KCND2: variants seen among roughly 807,000 people sequenced by gnomAD.
KCND2 encodes potassium voltage-gated channel subfamily D member 2.
KCND2 carries 16 observed loss-of-function variants against 54.4 expected under a neutral mutation model. The observed-to-expected ratio is 0.29, with a 90% CI of 0.20 to 0.45. KCND2 has a LOEUF of 0.45. KCND2 is among the 20% of genes least tolerant of loss of function. KCND2 has a pLI of 1.00. For missense variants in KCND2, 486 were observed against 824.2 expected (o/e 0.59, Z 5.02); for synonymous variants, 317 against 310.7 (o/e 1.02, Z -0.21).
intron 1 of KCND2, among the ~76,000 whole-genome samples, chr7:120,686,538 G>T (rs1792203949): frequency 1.3e-5 from 2 of 152,146 alleles, no homozygotes; most frequent in African/African-American, 4.8e-5. Context: ...TAGAGCAGGA[G>T]CGAAAGTTTA....
At chr7:120,498,890 T>C (rs1802890657) in intron 1 of KCND2, among the ~76,000 whole-genome samples, 1 of 152,112 alleles carries the variant, frequency 6.6e-6, no homozygotes, top group Non-Finnish European at 1.5e-5. Flanking sequence ...AGCTGACTGA[T>C]ATATACAATT....
chr7:120,671,936 T>G lies in KCND2; in HGVS notation c.1116-60967T>G, dbSNP rs868430310. On this transcript the variant is annotated intron_variant, in intron 1 of 5. Transcript: ENST00000331113. ...TTCCTCAAAACATGCTTGCTAAAAC[T>G]TCCTCAACTTATCCCCACCCTTTTT... Among the ~76,000 whole-genome samples the G allele has an allele frequency of 7.7e-4, 117 of 152,258 alleles. 2 individuals are homozygous for G. Among genetic ancestry groups the G allele is most frequent in the African/African-American group, 2.6e-3 (110 of 41,572 alleles).
chr7:120,318,455 C>T (rs58607483), intron 1 of KCND2, among the ~76,000 whole-genome samples: 1,816 of 152,102 alleles, frequency 0.012, 36 homozygotes, highest in African/African-American at 0.042. Flanking sequence ...CTCATAATGA[C>T]CAAAACTGTG....
At chr7:120,546,243 G>A (rs912707179) in intron 1 of KCND2, among the ~76,000 whole-genome samples, 2 of 151,854 alleles carry the variant, frequency 1.3e-5, no homozygotes, top group Non-Finnish European at 2.9e-5. Context: ...TATGTTGATT[G>A]AACACGGTTC....
At chr7:120,330,240 A>G (rs1371754273) in intron 1 of KCND2, among the ~76,000 whole-genome samples, 2 of 152,120 alleles carry the variant, frequency 1.3e-5, no homozygotes, top group Middle Eastern at 3.2e-3. Context: ...TAGTGAGGAA[A>G]AAAAATGAAC....
chr7:120,595,652 T>A (rs1175763675), intron 1 of KCND2, among the ~76,000 whole-genome samples: 1 of 148,974 alleles, frequency 6.7e-6, no homozygotes, highest in Non-Finnish European at 1.5e-5. Context: ...TCATTGCTAA[T>A]ATCTCAAATA....
chr7:120,321,942 A>G (rs1799897996), intron 1 of KCND2, among the ~76,000 whole-genome samples: 2 of 152,136 alleles, frequency 1.3e-5, no homozygotes, highest in Admixed American at 1.3e-4. Flanking sequence ...ATGGAAGCTC[A>G]GAGAAGATGA....
intron 1 of KCND2, among the ~76,000 whole-genome samples, chr7:120,601,492 A>G (rs1228534123): frequency 4.6e-5 from 7 of 152,210 alleles, no homozygotes; most frequent in Non-Finnish European, 8.8e-5. Flanking sequence ...TAAGGAAAGC[A>G]GTTTTGAAGA....
chr7:120,319,431 A>G (rs1799860625), intron 1 of KCND2, among the ~76,000 whole-genome samples: 3 of 152,218 alleles, frequency 2.0e-5, no homozygotes, highest in Middle Eastern at 6.8e-3. Context: ...AGACATTCTT[A>G]TTAACATTAG....
At chr7:120,637,799 G>A (rs1459468537) in intron 1 of KCND2, among the ~76,000 whole-genome samples, 1 of 152,012 alleles carries the variant, frequency 6.6e-6, no homozygotes, top group Admixed American at 6.6e-5. Context: ...TCAATAGTCT[G>A]GCAAGTACGA....
intron 1 of KCND2, among the ~76,000 whole-genome samples, chr7:120,447,991 A>C (rs764627378): frequency 4.6e-5 from 7 of 152,210 alleles, no homozygotes; most frequent in Non-Finnish European, 7.3e-5. Context: ...AATATGATTT[A>C]TATTGCATTG....
In KCND2 at chr7:120,275,082, C is replaced by A. The variant is rs991724336; in HGVS notation, c.450C>A (p.Asp150Glu). 1 of 1,613,818 alleles carries A rather than the reference C, an allele frequency of 6.2e-7. No individual in the cohort carries two copies. The highest frequency in any genetic ancestry group is 1.3e-5 in the African/African-American group (1 of 75,040). Residue 150 changes from aspartate (D) to glutamate (E), a missense_variant, in exon 1 of 6, where the codon GAC becomes GAA. Physicochemically the swap from Asp to Glu is conservative, Grantham distance 45. Coordinates refer to ENST00000331113, the MANE Select transcript of KCND2 (RefSeq NM_012281.3). The stretch of plus-strand genomic sequence containing the variant: ...GAGAGAACGCCGAGCGCCTGCAGGA[C>A]GACGCGGATACCGACACCGCTGGGG... ...RRRENAERLQ[D>E]DADTDTAGES...
At chr7:120,523,382 C>T (rs1408296185) in intron 1 of KCND2, among the ~76,000 whole-genome samples, 1 of 151,070 alleles carries the variant, frequency 6.6e-6, no homozygotes, top group Non-Finnish European at 1.5e-5. Context: ...AAATAATAAA[C>T]TTTAAAATAC....
intron 1 of KCND2, among the ~76,000 whole-genome samples, chr7:120,474,716 C>G (rs1802509036): frequency 1.3e-5 from 2 of 151,984 alleles, no homozygotes; most frequent in African/African-American, 4.8e-5. Flanking sequence ...ATCTAACACC[C>G]TCTATCTAAT....
At chr7:120,567,706 ATTT>A (rs1378027549) in intron 1 of KCND2, among the ~76,000 whole-genome samples, 1 of 152,124 alleles carries the variant, frequency 6.6e-6, no homozygotes, top group Non-Finnish European at 1.5e-5. Context: ...GCAGTATATT[ATTT>A]TCATTAAGAT....
At chr7:120,306,855 G>A (rs1451992624) in intron 1 of KCND2, among the ~76,000 whole-genome samples, 2 of 151,968 alleles carry the variant, frequency 1.3e-5, no homozygotes, top group African/African-American at 4.8e-5. Flanking sequence ...CAGATATAGT[G>A]ACTATCCACA....
chr7:120,427,390 T>C (rs1268794204), intron 1 of KCND2, among the ~76,000 whole-genome samples: 8 of 152,206 alleles, frequency 5.3e-5, no homozygotes, highest in Admixed American at 6.5e-5. Flanking sequence ...ATTCAGCCGG[T>C]CAGTCAACTT....
At chr7:120,734,195 G>A (rs1792843154) in intron 2 of KCND2, among the ~76,000 whole-genome samples, 2 of 152,118 alleles carry the variant, frequency 1.3e-5, no homozygotes, top group Non-Finnish European at 1.5e-5. Flanking sequence ...AACACAGTTT[G>A]AACAGTTGGC....
chr7:120,677,855 G>T (rs1316810287), intron 1 of KCND2, among the ~76,000 whole-genome samples: 1 of 151,990 alleles, frequency 6.6e-6, no homozygotes, highest in Non-Finnish European at 1.5e-5. Flanking sequence ...CCTAATGTAG[G>T]CTTATGTTTT....
Sources: allele counts gnomAD v4.1 joint callset (sites outside exome capture counted in the v4.1 genomes callset), GRCh38; gene constraint gnomAD v4.1.1; transcripts MANE v1.5; gene names NCBI Gene and HGNC (gene_info 2026-07-23, HGNC 2026-07-21).